ESRRG: variants seen among roughly 807,000 people sequenced by gnomAD.
ESRRG encodes the protein estrogen-related receptor gamma.
A neutral mutation model predicts 44.0 loss-of-function variants in ESRRG; 13 were observed. The observed-to-expected ratio is 0.30, with a 90% CI of 0.19 to 0.47. The LOEUF (loss-of-function observed/expected upper bound fraction) is 0.47, where lower values mean the gene tolerates loss of function less well. Ranked by LOEUF, ESRRG falls within the 20% of genes least tolerant of loss-of-function variation. ESRRG has a pLI of 1.00. For synonymous variants in ESRRG, 215 were observed against 214.6 expected, an observed-to-expected ratio of 1.00 and a Z score of -0.02; for missense variants, 395 against 580.6, an observed-to-expected ratio of 0.68 and a Z score of 3.29.
At chr1:216,914,056 A>G (rs1219896688) in intron 2 of ESRRG, among the ~76,000 whole-genome samples, 1 of 152,158 alleles carries the variant, frequency 6.6e-6, no homozygotes, top group East Asian at 1.9e-4. Flanking sequence ...CCTGGTCAAG[A>G]AAAACCTATT....
At chr1:216,547,357 G>A (rs1392010992) in intron 5 of ESRRG, among the ~76,000 whole-genome samples, 1 of 151,960 alleles carries the variant, frequency 6.6e-6, no homozygotes, top group Non-Finnish European at 1.5e-5. Context: ...TTTGAAGGCA[G>A]ATTTCCAGAG....
At chr1:216,821,171 C>T (rs1465083699) in intron 2 of ESRRG, among the ~76,000 whole-genome samples, 6 of 152,080 alleles carry the variant, frequency 3.9e-5, no homozygotes, top group Non-Finnish European at 5.9e-5. Flanking sequence ...CGGTTGTCAC[C>T]GCTCTTACCT....
chr1:216,700,863 T>A (rs1243319533), intron 1 of ESRRG, among the ~76,000 whole-genome samples: 1 of 152,154 alleles, frequency 6.6e-6, no homozygotes, highest in African/African-American at 2.4e-5. Flanking sequence ...AGTGGTTAGG[T>A]TTCTGTCTTT....
chr1:216,793,860 A>G (rs768126594), intron 2 of ESRRG, among the ~76,000 whole-genome samples: 3 of 152,132 alleles, frequency 2.0e-5, no homozygotes, highest in Non-Finnish European at 4.4e-5. Context: ...TAACAGATCC[A>G]ATAACCATTT....
intron 1 of ESRRG, among the ~76,000 whole-genome samples, chr1:216,988,789 C>A (rs548059251): frequency 6.6e-6 from 1 of 152,262 alleles, no homozygotes; most frequent in South Asian, 2.1e-4. Flanking sequence ...CACTTCTGGG[C>A]TTTCTTCTCC....
At chr1:217,039,538 G>C (rs115830918) in intron 1 of ESRRG, among the ~76,000 whole-genome samples, 1 of 152,054 alleles carries the variant, frequency 6.6e-6, no homozygotes, top group Non-Finnish European at 1.5e-5. Context: ...ATCAGCTCTC[G>C]TGAGACCCAC....
intron 2 of ESRRG, among the ~76,000 whole-genome samples, chr1:216,837,303 C>T (rs941822402): frequency 2.0e-5 from 3 of 151,332 alleles, no homozygotes; most frequent in South Asian, 2.1e-4. Flanking sequence ...CCCAGCTACT[C>T]GGGAGGCTGA....
At chr1:217,054,202 A>G (rs960924651) in intron 1 of ESRRG, among the ~76,000 whole-genome samples, 4 of 152,104 alleles carry the variant, frequency 2.6e-5, no homozygotes, top group African/African-American at 9.7e-5. Context: ...TTTTTCATCA[A>G]AATCTCTCAA....
intron 5 of ESRRG, among the ~76,000 whole-genome samples, chr1:216,552,534 C>A (rs866921827): frequency 6.6e-6 from 1 of 152,148 alleles, no homozygotes; most frequent in Non-Finnish European, 1.5e-5. Context: ...ACTTGGCCTG[C>A]GTTAGCTCAT....
intron 1 of ESRRG, among the ~76,000 whole-genome samples, chr1:216,686,947 G>A (rs1002123688): frequency 3.9e-5 from 6 of 152,058 alleles, no homozygotes; most frequent in Non-Finnish European, 8.8e-5. Context: ...TTGCACCGAG[G>A]AGCACTCTTC....
chr1:216,574,627 A>T (rs749505305), intron 3 of ESRRG, among the ~76,000 whole-genome samples: 4 of 152,174 alleles, frequency 2.6e-5, no homozygotes, highest in Non-Finnish European at 4.4e-5. Context: ...TGTTATTCCC[A>T]AATAAAAGCT....
intron 2 of ESRRG, among the ~76,000 whole-genome samples, chr1:216,840,998 T>G (rs2095644329): frequency 6.6e-6 from 1 of 152,052 alleles, no homozygotes; most frequent in Non-Finnish European, 1.5e-5. Context: ...CACAGGCTGT[T>G]GGAAAAATGG....
At chr1:217,136,090 T>G (rs534005120) in intron 1 of ESRRG, among the ~76,000 whole-genome samples, 120 of 152,330 alleles carry the variant, frequency 7.9e-4, no homozygotes, top group African/African-American at 2.8e-3. Flanking sequence ...TCTACCCACC[T>G]ACCTTTGCTA....
intron 2 of ESRRG, among the ~76,000 whole-genome samples, chr1:216,665,270 A>G (rs1017072721): frequency 6.6e-6 from 1 of 152,124 alleles, no homozygotes; most frequent in African/African-American, 2.4e-5. Context: ...CCTCATCTCT[A>G]TACGGTTCAG....
intron 1 of ESRRG, among the ~76,000 whole-genome samples, chr1:217,062,933 G>A (rs914354679): frequency 1.3e-5 from 2 of 152,172 alleles, no homozygotes; most frequent in Non-Finnish European, 2.9e-5. Context: ...AGGATAAGGT[G>A]CACGCTACTT....
At chr1:216,679,867 A>G (rs2076750932) in intron 1 of ESRRG, among the ~76,000 whole-genome samples, 3 of 152,286 alleles carry the variant, frequency 2.0e-5, no homozygotes, top group Admixed American at 6.5e-5. Flanking sequence ...TTGCTAAGCC[A>G]TCAAATATTT....
intron 1 of ESRRG, among the ~76,000 whole-genome samples, chr1:217,070,660 G>A (rs1289263705): frequency 2.0e-5 from 3 of 152,182 alleles, no homozygotes; most frequent in African/African-American, 7.2e-5. Context: ...GGCATGACAG[G>A]CGTAAGCCAC....
intron 3 of ESRRG, among the ~76,000 whole-genome samples, chr1:216,637,125 C>T (rs954986534): frequency 6.6e-6 from 1 of 152,106 alleles, no homozygotes; most frequent in Non-Finnish European, 1.5e-5. Context: ...AATAATCAGA[C>T]AGCAACCTGG....
At chr1:216,977,856 C>T (rs937468632) in intron 1 of ESRRG, among the ~76,000 whole-genome samples, 1 of 152,020 alleles carries the variant, frequency 6.6e-6, no homozygotes, top group African/African-American at 2.4e-5. Context: ...CTTTATTATT[C>T]AGGAGTGGGT....
Sources: gnomAD v4.1 joint callset for allele counts (sites outside exome capture counted in the v4.1 genomes callset) on GRCh38, gnomAD v4.1.1 for gene constraint, MANE v1.5 for transcripts, NCBI Gene and HGNC (gene_info 2026-07-23, HGNC 2026-07-21) for gene names.